Variants in ARHGAP21 observed in about 807,000 individuals in gnomAD.
ARHGAP21 encodes the protein rho GTPase-activating protein 21.
A neutral mutation model predicts 164.6 loss-of-function variants in ARHGAP21; 38 were observed. The ratio of observed to expected loss-of-function variants is 0.23; its 90% CI spans 0.18 to 0.30. The LOEUF (loss-of-function observed/expected upper bound fraction) is 0.30. Among genes scored for constraint, ARHGAP21 ranks in the 10% least tolerant of loss-of-function variants. The probability of loss-of-function intolerance (pLI) is 1.00; values close to 1 mark genes in which losing one functional copy is unlikely to be tolerated. For missense variants in ARHGAP21, 1,822 were observed against 2,370.7 expected, an observed-to-expected ratio of 0.77 and a Z score of 4.81; for synonymous variants, 766 against 857.9, an observed-to-expected ratio of 0.89 and a Z score of 1.87.
chr10:24,607,944 T>A (rs1477617294), intron 9 of ARHGAP21, 41 bp from the exon 10 acceptor site: 1 of 1,532,070 alleles, frequency 6.5e-7, no homozygotes. Context: ...AATGACCTAA[T>A]TGTTATTAAT....
intron 2 of ARHGAP21, among the ~76,000 whole-genome samples, chr10:24,677,207 G>A (rs993182459): frequency 1.3e-5 from 2 of 152,182 alleles, no homozygotes; most frequent in African/African-American, 2.4e-5. Context: ...GCGACAGAGC[G>A]AGACTCCGAC....
chr10:24,653,771 GA>G (rs1838467929), intron 4 of ARHGAP21, among the ~76,000 whole-genome samples: 1 of 152,152 alleles, frequency 6.6e-6, no homozygotes, highest in Non-Finnish European at 1.5e-5. Flanking sequence ...AATGGAATCA[GA>G]TAGTACTCTT....
rs866134526 is a variant in ARHGAP21 at position 24,667,359 on chromosome 10, T to C, written c.244-350A>G. ...TTCTAATGGAGATATCCAAGTGAAG[T>C]TGTCAAGTAGGCAGTTGGACAGATG... is the stretch of plus-strand genomic sequence containing the variant. On this transcript the variant is annotated intron_variant, in intron 3 of 25. Coordinates refer to ENST00000396432, the MANE Select transcript of ARHGAP21 (RefSeq NM_020824.4). 2.0e-5 allele frequency among the ~76,000 whole-genome samples: 3 copies of C among 152,192 alleles called. No homozygotes were observed. In the South Asian group the frequency reaches 6.2e-4, roughly 32 times the overall value.
intron 7 of ARHGAP21, among the ~76,000 whole-genome samples, chr10:24,624,533 T>A (rs978534409): frequency 2.6e-5 from 4 of 151,690 alleles, no homozygotes; most frequent in Non-Finnish European, 5.9e-5. Flanking sequence ...GGAGGTGGGG[T>A]TTCACTATGT....
chr10:24,690,454 T>C (rs972705190), intron 2 of ARHGAP21, among the ~76,000 whole-genome samples: 5 of 152,142 alleles, frequency 3.3e-5, no homozygotes, highest in Admixed American at 2.0e-4. Context: ...AATGTTTTAA[T>C]TTTTTTATTC....
At chr10:24,629,680 A>G in intron 7 of ARHGAP21, 1 of 287,694 alleles carries the variant, frequency 3.5e-6, no homozygotes, top group Non-Finnish European at 7.0e-6. Context: ...ATGCACTTGC[A>G]CTCTAAACTC....
intron 4 of ARHGAP21, among the ~76,000 whole-genome samples, chr10:24,666,124 G>A (rs1352441900): frequency 1.3e-5 from 2 of 152,178 alleles, no homozygotes; most frequent in South Asian, 2.1e-4. Flanking sequence ...CTGCCTCCCA[G>A]GTTCACGCCA....
At chr10:24,713,105 TGTGA>T (rs1441909623) in intron 2 of ARHGAP21, among the ~76,000 whole-genome samples, 1 of 152,162 alleles carries the variant, frequency 6.6e-6, no homozygotes, top group Non-Finnish European at 1.5e-5. Flanking sequence ...GTCTCCACAT[TGTGA>T]GTAAGGAGAA....
intron 2 of ARHGAP21, among the ~76,000 whole-genome samples, chr10:24,674,018 A>T (rs1460709812): frequency 2.0e-5 from 3 of 152,232 alleles, no homozygotes; most frequent in Non-Finnish European, 4.4e-5. Context: ...ACAACAAAAA[A>T]TATTCACTAG....
chr10:24,677,144 C>T (rs1841333656), intron 2 of ARHGAP21, among the ~76,000 whole-genome samples: 1 of 152,136 alleles, frequency 6.6e-6, no homozygotes, highest in Non-Finnish European at 1.5e-5. Flanking sequence ...TGCTGGAACC[C>T]AGGAGGCGGA....
At chr10:24,672,508 A>C (rs548239663) in intron 2 of ARHGAP21, among the ~76,000 whole-genome samples, 96 of 152,292 alleles carry the variant, frequency 6.3e-4, no homozygotes, top group African/African-American at 2.2e-3. Flanking sequence ...TCTAATATGC[A>C]AATTATTCCC....
chr10:24,685,031 A>T (rs1842093382), intron 2 of ARHGAP21, among the ~76,000 whole-genome samples: 1 of 152,168 alleles, frequency 6.6e-6, no homozygotes, highest in Admixed American at 6.5e-5. Context: ...TTTTTTGTAA[A>T]GAAACACAGA....
intron 9 of ARHGAP21, among the ~76,000 whole-genome samples, chr10:24,617,404 ATTT>A (rs1241208280): frequency 6.6e-6 from 1 of 152,100 alleles, no homozygotes; most frequent in Non-Finnish European, 1.5e-5. Flanking sequence ...AGGTTGTAAG[ATTT>A]TTTTACATTT....
intron 2 of ARHGAP21, among the ~76,000 whole-genome samples, chr10:24,709,672 G>A (rs756653225): frequency 7.9e-5 from 12 of 151,536 alleles, no homozygotes; most frequent in Non-Finnish European, 1.3e-4. Context: ...CCAGCAGGTC[G>A]AGGCTACAGT....
Position 24,592,219 on chromosome 10 carries a change from A to AGT in ARHGAP21, c.3877-209_3877-208dup, listed in dbSNP as rs201592348. ...CTCACGTTCACCCAGGCTGCAGTGC[A>AGT]GTGGCATGATCACAGCTTACTGCAC... is the stretch of plus-strand genomic sequence containing the variant. On this transcript the variant is annotated intron_variant, in intron 21 of 25. Transcript: ENST00000396432. 2.0e-4 allele frequency among the ~76,000 whole-genome samples: 26 copies of AGT among 132,622 alleles called. No individual in the cohort carries two copies. The East Asian group carries it at 5.3e-3, about 27-fold the overall frequency. The allele number at this position is 132,622 out of a possible 152,430, so 87.0% of individuals were successfully genotyped here. A position where few individuals can be genotyped will look rare whatever the true frequency, so the allele number is the denominator to read the frequency against.
chr10:24,628,977 TATATA>T (rs1277950079), intron 7 of ARHGAP21: 19 of 24,720 alleles, frequency 7.7e-4, no homozygotes, highest in African/African-American at 3.0e-3. Flanking sequence ...TATATATATA[TATATA>T]TTTTTTTTTT....
chr10:24,703,295 T>C (rs1159616268), intron 2 of ARHGAP21, among the ~76,000 whole-genome samples: 1 of 152,214 alleles, frequency 6.6e-6, no homozygotes, highest in Non-Finnish European at 1.5e-5. Context: ...CTCTTTACTT[T>C]TAATGTAAAT....
chr10:24,626,758 A>G (rs909091578), intron 7 of ARHGAP21, among the ~76,000 whole-genome samples: 2 of 152,136 alleles, frequency 1.3e-5, no homozygotes, highest in Non-Finnish European at 2.9e-5. Flanking sequence ...ACAATAAAAA[A>G]CCTTTTTATT....
chr10:24,649,841 G>A (rs755533748), intron 4 of ARHGAP21, among the ~76,000 whole-genome samples: 20 of 151,986 alleles, frequency 1.3e-4, no homozygotes, highest in Non-Finnish European at 2.4e-4. Flanking sequence ...AAAAAATTCC[G>A]CTTACCATGT....
Sources: gnomAD v4.1 joint callset for allele counts (sites outside exome capture counted in the v4.1 genomes callset) on GRCh38, gnomAD v4.1.1 for gene constraint, MANE v1.5 for transcripts, NCBI Gene and HGNC (gene_info 2026-07-23, HGNC 2026-07-21) for gene names.